Variants in HECW1 observed in about 807,000 individuals in gnomAD.
HECW1 encodes HECT, C2 and WW domain containing E3 ubiquitin protein ligase 1.
HECW1 carries 61 observed loss-of-function variants against 182.3 expected under a neutral mutation model. The ratio of observed to expected loss-of-function variants is 0.33; its 90% CI spans 0.27 to 0.41. HECW1 has a LOEUF of 0.41. Among genes scored for constraint, HECW1 ranks in the 10% least tolerant of loss-of-function variants. HECW1 has a pLI of 1.00. For missense variants in HECW1, 1,739 were observed against 2,108.9 expected (o/e 0.82, Z 3.44); for synonymous variants, 859 against 832.6 (o/e 1.03, Z -0.55).
At chr7:43,232,415 A>G (rs1490531351) in intron 2 of HECW1, among the ~76,000 whole-genome samples, 2 of 152,208 alleles carry the variant, frequency 1.3e-5, no homozygotes, top group Non-Finnish European at 2.9e-5. Flanking sequence ...TGGCTGTGCA[A>G]CTGCATTAGC....
chr7:43,439,971 G>C (rs1364161080), intron 9 of HECW1: 1 of 152,444 alleles, frequency 6.6e-6, no homozygotes, highest in African/African-American at 2.4e-5. Context: ...TTGATGGGAT[G>C]ATAGACTGCC....
intron 16 of HECW1, among the ~76,000 whole-genome samples, chr7:43,474,530 A>G (rs935678316): frequency 7.9e-5 from 12 of 152,174 alleles, no homozygotes; most frequent in Admixed American, 5.9e-4. Context: ...CAAAATAAAG[A>G]TATAATAATC....
chr7:43,483,435 C>T (rs1339709419), intron 17 of HECW1, among the ~76,000 whole-genome samples: 2 of 152,082 alleles, frequency 1.3e-5, no homozygotes, highest in Non-Finnish European at 2.9e-5. Flanking sequence ...TAGCATTACC[C>T]CAGTGAAGAA....
intron 6 of HECW1, among the ~76,000 whole-genome samples, chr7:43,362,924 T>C (rs1195269230): frequency 2.6e-5 from 4 of 152,236 alleles, no homozygotes; most frequent in African/African-American, 9.6e-5. Context: ...TCAAGGCTCG[T>C]AGGGGAGAGG....
At chr7:43,166,184 A>G (rs1391327589) in intron 2 of HECW1, among the ~76,000 whole-genome samples, 1 of 152,164 alleles carries the variant, frequency 6.6e-6, no homozygotes, top group African/African-American at 2.4e-5. Context: ...CCTGGGTTCA[A>G]GCAATTCTCT....
At chr7:43,392,832 C>T (rs999159014) in intron 6 of HECW1, among the ~76,000 whole-genome samples, 6 of 152,112 alleles carry the variant, frequency 3.9e-5, no homozygotes, top group Admixed American at 2.6e-4. Flanking sequence ...CTATAGTCTC[C>T]GGACTGCTGA....
At chr7:43,426,893 C>A (rs1252447810) in intron 8 of HECW1, among the ~76,000 whole-genome samples, 1 of 151,716 alleles carries the variant, frequency 6.6e-6, no homozygotes, top group African/African-American at 2.4e-5. Flanking sequence ...TAGTAATATA[C>A]CCAAAATATA....
At chr7:43,155,652 C>T (rs1789803877) in intron 2 of HECW1, among the ~76,000 whole-genome samples, 1 of 152,100 alleles carries the variant, frequency 6.6e-6, no homozygotes, top group Non-Finnish European at 1.5e-5. Context: ...GAGTGTGTAC[C>T]TCTCTACTCA....
intron 6 of HECW1, among the ~76,000 whole-genome samples, chr7:43,386,869 C>T (rs1332418329): frequency 6.6e-6 from 1 of 152,092 alleles, no homozygotes; most frequent in Non-Finnish European, 1.5e-5. Context: ...GTTTTGTTTA[C>T]AAAATAATTA....
chr7:43,492,025 T>A, intron 17 of HECW1, 50 bp from the exon 18 acceptor site: 1 of 1,348,520 alleles, frequency 7.4e-7, no homozygotes, highest in Non-Finnish European at 1.1e-6. Context: ...TCAAGAGACA[T>A]CTGAAATTGA....
intron 2 of HECW1, among the ~76,000 whole-genome samples, chr7:43,132,913 TTTAA>T (rs969716091): frequency 6.7e-4 from 102 of 152,336 alleles, no homozygotes; most frequent in Middle Eastern, 3.4e-3. Flanking sequence ...AGTTCTTGTC[TTTAA>T]TTAAGCTGGA....
chr7:43,192,334 A>G (rs1794003991), intron 2 of HECW1, among the ~76,000 whole-genome samples: 1 of 152,218 alleles, frequency 6.6e-6, no homozygotes, highest in Admixed American at 6.5e-5. Flanking sequence ...GCTAGTAGAG[A>G]ATAACTTGAA....
Position 43,488,494 on chromosome 7 carries a change from G to GAAAGAAAGAAAGAGAAAA in HECW1, c.3235-3570_3235-3569insGAGAAAAAAAGAAAGAAA, listed in dbSNP as rs1563046920. Among the ~76,000 whole-genome samples, 25 of 144,338 alleles carry GAAAGAAAGAAAGAGAAAA rather than the reference G, an allele frequency of 1.7e-4. 1 individual carries two copies. Among genetic ancestry groups the GAAAGAAAGAAAGAGAAAA allele is most frequent in the Admixed American group, 4.2e-4 (6 of 14,404 alleles). 94.7% of individuals were successfully genotyped at this position (144,338 alleles called of 152,430 possible). A position where few individuals can be genotyped will look rare whatever the true frequency, so the allele number is the denominator to read the frequency against. Reference sequence around the variant, plus strand: ...AAAGAAAGAAAGAAAGAAAGAGAAAGAAAGAAAGAAAAGAAAAGAAAGAAA... The same window carrying GAAAGAAAGAAAGAGAAAA: ...AAAGAAAGAAAGAAAGAAAGAGAAAGAAAGAAAGAAAGAGAAAAAAAGAAAGAAAAGAAAAGAAAGAAA... On this transcript the variant is annotated intron_variant, in intron 17 of 29. Coordinates refer to ENST00000395891, the MANE Select transcript of HECW1 (RefSeq NM_015052.5).
In HECW1 at chr7:43,444,134, G is replaced by GATGGCTTACATGTGGGAC. The variant is rs1225085188; in HGVS notation, c.1046-71_1046-70insGGGACATGGCTTACATGT. The stretch of plus-strand genomic sequence containing the variant: ...TATCCTAATGTAGAAATCCCTTAGT[G>GATGGCTTACATGTGGGAC]ATGGCTTACATGTCCCACAGGGTAT... On this transcript the variant is annotated intron_variant, in intron 10 of 29. Coordinates refer to ENST00000395891, the MANE Select transcript of HECW1 (RefSeq NM_015052.5). This position sits in a 1 kb window ranked among gnomAD's most constrained non-coding sequence, Gnocchi z 4.3. The GATGGCTTACATGTGGGAC allele has an allele frequency of 7.4e-7, 1 of 1,353,432 alleles. No homozygotes were observed. The highest frequency in any genetic ancestry group is 2.3e-5 in the East Asian group (1 of 43,068). The allele number at this position is 1,353,432 out of a possible 1,614,324, so 83.8% of individuals were successfully genotyped here.
chr7:43,458,015 A>G (rs1007711748), intron 13 of HECW1, among the ~76,000 whole-genome samples: 3 of 152,176 alleles, frequency 2.0e-5, no homozygotes, highest in African/African-American at 7.2e-5. Context: ...TCTCACCCCA[A>G]CAAAGCGTGT....
At chr7:43,218,250 A>G (rs550467217) in intron 2 of HECW1, among the ~76,000 whole-genome samples, 1 of 152,342 alleles carries the variant, frequency 6.6e-6, no homozygotes, top group Admixed American at 6.5e-5. Flanking sequence ...CCTGAGCAGC[A>G]ATATGATCCA....
intron 24 of HECW1, among the ~76,000 whole-genome samples, chr7:43,537,997 G>C (rs4724216): frequency 0.16 from 23,761 of 152,124 alleles, 2,185 homozygotes; most frequent in East Asian, 0.34. Context: ...GATCCCACCC[G>C]CTGGTTGAGA....
At position 43,163,133 on chromosome 7, in the gene HECW1, GC is replaced by G. The variant is rs929745190; in HGVS notation, c.-32+48744del. 2.2e-4 allele frequency: 33 copies of G among 152,350 alleles called. 1 individual carries two copies. Among genetic ancestry groups the G allele is most frequent in the Middle Eastern group, 6.8e-3 (2 of 296 alleles). 9.4% of individuals were successfully genotyped at this position (152,350 alleles called of 1,614,324 possible). A position where few individuals can be genotyped will look rare whatever the true frequency, so the allele number is the denominator to read the frequency against. On this transcript the variant is annotated intron_variant, in intron 2 of 29. Coordinates refer to ENST00000395891, the MANE Select transcript of HECW1 (RefSeq NM_015052.5). ...CAGCACAGACGAGAACAGTCCCAAA[GC>G]CTTTTGCTGTATCCCATCTGTGCAA...
chr7:43,144,732 C>T (rs1330159841), intron 2 of HECW1, among the ~76,000 whole-genome samples: 1 of 152,080 alleles, frequency 6.6e-6, no homozygotes, highest in Non-Finnish European at 1.5e-5. Context: ...CTACAAAATA[C>T]TCCAGACTCA....
Sources: gnomAD v4.1 joint callset for allele counts (sites outside exome capture counted in the v4.1 genomes callset) on GRCh38, gnomAD v4.1.1 for gene constraint, Gnocchi (gnomAD v3.1) non-coding constraint, MANE v1.5 for transcripts, NCBI Gene and HGNC (gene_info 2026-07-23, HGNC 2026-07-21) for gene names.